The following DLK2 variants were observed in gnomAD, a reference collection of about 807,000 sequenced individuals.
The protein encoded by DLK2 is protein delta homolog 2.
In DLK2, 9 loss-of-function variants were observed where a neutral mutation model predicts 31.3. The observed-to-expected ratio is 0.29, with a 90% CI of 0.17 to 0.50. The LOEUF is 0.50. DLK2 is among the 20% of genes least tolerant of loss of function. The pLI, the probability that DLK2 is intolerant of heterozygous loss-of-function variation, is 0.98. For missense variants in DLK2, 387 were observed against 526.1 expected (o/e 0.74, Z 2.59); for synonymous variants, 169 against 201.2 (o/e 0.84, Z 1.35).
Position 43,451,930 on chromosome 6 carries a change from C to T in DLK2, c.416+10G>A, listed in dbSNP as rs1783773478. 5.0e-6 allele frequency: 8 copies of T among 1,613,768 alleles called. No homozygotes were observed. Among genetic ancestry groups the T allele is most frequent in the Non-Finnish European group, 6.8e-6 (8 of 1,179,876 alleles). ...TAACCTTCCACTCACCCTGAGGGCC[C>T]AGCACTCACCCTGCCTGTTCACAGG... On this transcript the variant is annotated intron_variant, in intron 5 of 5. Coordinates refer to ENST00000372488, the MANE Select transcript of DLK2 (RefSeq NM_023932.4). The surrounding 1 kb of genome is among the most constrained non-coding windows in gnomAD (Gnocchi z 4.4).
chr6:43,455,175 G>T (rs985495200), intron 1 of DLK2: 3 of 827,170 alleles, frequency 3.6e-6, no homozygotes, highest in Non-Finnish European at 4.4e-6. Flanking sequence ...TCCGCGGGAT[G>T]GGGACAGCGC....
At position 43,451,240 on chromosome 6, in the gene DLK2, C is replaced by T. The variant is rs142658388; in HGVS notation, c.451G>A (p.Asp151Asn). The change falls in exon 6 of 6, where the codon GAC (aspartate) becomes AAC (asparagine). Residue 151 changes from aspartate to asparagine, a missense_variant. Physicochemically the swap from Asp to Asn is conservative, Grantham distance 23. Transcript: ENST00000372488. The surrounding 1 kb of genome is among the most constrained non-coding windows in gnomAD (Gnocchi z 4.4). Reference protein sequence around the residue: ...PCRNGGQCQDDQGFALNFTCR... With the variant: ...PCRNGGQCQDNQGFALNFTCR... ...GTGAAGTTGAGAGCAAAGCCCTGGTCGTCCTGGCACTGCCCGCCATTGCGG... is the reference window on the plus strand; with the variant it reads ...GTGAAGTTGAGAGCAAAGCCCTGGTTGTCCTGGCACTGCCCGCCATTGCGG... 15 of 1,613,886 alleles carry T rather than the reference C, an allele frequency of 9.3e-6. No homozygotes were observed. The highest frequency in any genetic ancestry group is 5.3e-5 in the African/African-American group (4 of 74,922).
intron 1 of DLK2, 137 bp from the exon 2 acceptor site, chr6:43,455,017 C>A: frequency 7.0e-7 from 1 of 1,429,848 alleles, no homozygotes; most frequent in Non-Finnish European, 9.1e-7. Flanking sequence ...AGGATGGGGG[C>A]AGGGAAGGGT....
At chr6:43,452,162 G>A in intron 4 of DLK2, 78 bp from the exon 5 acceptor site, 3 of 1,585,286 alleles carry the variant, frequency 1.9e-6, no homozygotes, top group Non-Finnish European at 2.6e-6. Flanking sequence ...CGCCTTCCAG[G>A]CCCCAGGTTC....
intron 4 of DLK2, 91 bp downstream of exon 4, chr6:43,452,914 C>A: frequency 1.3e-6 from 2 of 1,546,088 alleles, no homozygotes; most frequent in East Asian, 2.3e-5. Context: ...GAGGGTTTGA[C>A]AAGGACAAAA....
chr6:43,455,315 C>T (rs1249799314), intron 1 of DLK2, 80 bp downstream of exon 1: 1 of 153,402 alleles, frequency 6.5e-6, no homozygotes, highest in African/African-American at 2.5e-5. Flanking sequence ...CCCACGTCCC[C>T]TTTCTATCTC....
Position 43,450,352 on chromosome 6 carries a change from T to C in DLK2, c.*187A>G, listed in dbSNP as rs577901743. ...GGGTTTTTCTGGCATAGGAGCCCAC[T>C]TGCATTTTCATAGTTTTATTTGATA... On this transcript the variant is annotated 3_prime_UTR_variant, in exon 6 of 6. Coordinates refer to ENST00000372488, the MANE Select transcript of DLK2 (RefSeq NM_023932.4). This position sits in a 1 kb window ranked among gnomAD's most constrained non-coding sequence, Gnocchi z 4.5. 4.0e-4 allele frequency: 379 copies of C among 949,328 alleles called. No individual in the cohort carries two copies. Among genetic ancestry groups the C allele is most frequent in the Non-Finnish European group, 5.4e-4 (365 of 670,674 alleles). 58.8% of individuals were successfully genotyped at this position (949,328 alleles called of 1,614,324 possible). A position where few individuals can be genotyped will look rare whatever the true frequency, so the allele number is the denominator to read the frequency against.
At position 43,450,928 on chromosome 6, in the gene DLK2, C is replaced by G; in HGVS notation, c.763G>C (p.Asp255His). 1 of 1,614,154 alleles carries G rather than the reference C, an allele frequency of 6.2e-7. No homozygotes were observed. Among genetic ancestry groups the G allele is most frequent in the South Asian group, 1.1e-5 (1 of 91,088 alleles). ...GGGGTGTCCACTGTGGTTGGGGGGTCTGGGACAGGTAAGACAAGCTCACAG... is the reference window on the plus strand; with the variant it reads ...GGGGTGTCCACTGTGGTTGGGGGGTGTGGGACAGGTAAGACAAGCTCACAG... Reference protein sequence around the residue: ...KTCELVLPVPDPPTTVDTPLG... With the variant: ...KTCELVLPVPHPPTTVDTPLG... The change falls in exon 6 of 6, where the codon GAC becomes CAC. Residue 255 changes from aspartate (D) to histidine (H), a missense_variant. By Grantham distance (81) the Asp-to-His change is moderately conservative. Transcript: ENST00000372488. The surrounding 1 kb of genome is among the most constrained non-coding windows in gnomAD (Gnocchi z 4.5).
At chr6:43,452,117 C>T in intron 4 of DLK2, 33 bp from the exon 5 acceptor site, 1 of 1,612,842 alleles carries the variant, frequency 6.2e-7, no homozygotes, top group Non-Finnish European at 8.5e-7. Context: ...TCTGGGATAA[C>T]CCCTCCCATC....
In DLK2 at chr6:43,453,312, C is replaced by T. The variant is rs1236904104; in HGVS notation, c.141-177G>A. ...CATAGGACACATATACGGAATCAGA[C>T]CATCAGACACCAGCACTCAAACCCT... On this transcript the variant is annotated intron_variant, in intron 3 of 5. Transcript: ENST00000372488. The surrounding 1 kb of genome is among the most constrained non-coding windows in gnomAD (Gnocchi z 4.1). Among the ~76,000 whole-genome samples the T allele has an allele frequency of 6.6e-6, 1 of 152,218 alleles. No homozygotes were observed. The highest frequency in any genetic ancestry group is 1.5e-5 in the Non-Finnish European group (1 of 68,048).
In DLK2 at chr6:43,450,797, T is replaced by C; in HGVS notation, c.894A>G (p.Gln298=). 6.2e-7 allele frequency: 1 copy of C among 1,614,170 alleles called. No individual in the cohort carries two copies. The highest frequency in any genetic ancestry group is 8.5e-7 in the Non-Finnish European group (1 of 1,180,028). Residue 298 remains glutamine (Q), a synonymous_variant, in exon 6 of 6, where the codon CAA becomes CAG. Coordinates refer to ENST00000372488, the MANE Select transcript of DLK2 (RefSeq NM_023932.4). This position sits in a 1 kb window ranked among gnomAD's most constrained non-coding sequence, Gnocchi z 4.5. ...AGCTAGGCTCACCTAGCCCAGCCTC[T>C]TGCCTCCGCACCACCTCCTTCACTG... ...RISVKEVVRR[Q]EAGLGEPSLV... is the part of the protein sequence containing the mutation.
Position 43,451,469 on chromosome 6 carries a change from GT to G in DLK2, c.417-196del, listed in dbSNP as rs1783730162. Among the ~76,000 whole-genome samples, 1 of 152,232 alleles carries G rather than the reference GT, an allele frequency of 6.6e-6. No homozygotes were observed. Among genetic ancestry groups the G allele is most frequent in the Non-Finnish European group, 1.5e-5 (1 of 68,040 alleles). On this transcript the variant is annotated intron_variant, in intron 5 of 5. Transcript: ENST00000372488. The surrounding 1 kb of genome is among the most constrained non-coding windows in gnomAD (Gnocchi z 4.4). ...GTGAGGGTTGAGTGAAATAATCAAT[GT>G]CAAGCCATTAGCACAGGGCCCAGCC...
In DLK2 at chr6:43,451,209, C is replaced by T. The variant is rs764246719; in HGVS notation, c.482G>A (p.Arg161His). 11 of 1,614,048 alleles carry T rather than the reference C, an allele frequency of 6.8e-6. No individual in the cohort carries two copies. The highest frequency in any genetic ancestry group is 2.2e-5 in the East Asian group (1 of 44,884). Residue 161 changes from arginine (R) to histidine (H), a missense_variant, in exon 6 of 6, where the codon CGC becomes CAC. Coordinates refer to ENST00000372488, the MANE Select transcript of DLK2 (RefSeq NM_023932.4). This position sits in a 1 kb window ranked among gnomAD's most constrained non-coding sequence, Gnocchi z 4.4. Reference protein sequence around the residue: ...DQGFALNFTCRCLVGFVGARC... With the variant: ...DQGFALNFTCHCLVGFVGARC... The stretch of plus-strand genomic sequence containing the variant: ...GGCACCCACAAAGCCCACCAAGCAG[C>T]GGCACGTGAAGTTGAGAGCAAAGCC...
In DLK2 at chr6:43,451,253, C is replaced by T; in HGVS notation, c.438G>A (p.Gly146=). Residue 146 remains glycine (G), a synonymous_variant, in exon 6 of 6, where the codon GGG becomes GGA. Coordinates refer to ENST00000372488, the MANE Select transcript of DLK2 (RefSeq NM_023932.4). This position sits in a 1 kb window ranked among gnomAD's most constrained non-coding sequence, Gnocchi z 4.4. The stretch of plus-strand genomic sequence containing the variant: ...CAAAGCCCTGGTCGTCCTGGCACTG[C>T]CCGCCATTGCGGCATGGGGAGCTGT... ...EQAGSPCRNG[G]QCQDDQGFAL... 5 of 1,613,944 alleles carry T rather than the reference C, an allele frequency of 3.1e-6. No individual in the cohort carries two copies. Among genetic ancestry groups the T allele is most frequent in the Non-Finnish European group, 4.2e-6 (5 of 1,179,934 alleles).
intron 2 of DLK2, 131 bp downstream of exon 2, chr6:43,454,619 A>C (rs1449679698): frequency 7.2e-7 from 1 of 1,379,908 alleles, no homozygotes; most frequent in East Asian, 2.5e-5. Flanking sequence ...TCCCATTCCA[A>C]AAAGGCAACC....
intron 1 of DLK2, 70 bp from the exon 2 acceptor site, chr6:43,454,950 C>T (rs1464834578): frequency 6.8e-7 from 1 of 1,480,258 alleles, no homozygotes; most frequent in Non-Finnish European, 8.9e-7. Flanking sequence ...TTCCAAGTGA[C>T]AGGAGCCGAC....
At position 43,451,287 on chromosome 6, in the gene DLK2, T is replaced by A; in HGVS notation, c.417-13A>T. 2 of 1,610,820 alleles carry A rather than the reference T, an allele frequency of 1.2e-6. No homozygotes were observed. Among genetic ancestry groups the A allele is most frequent in the Non-Finnish European group, 1.7e-6 (2 of 1,178,238 alleles). Reference sequence around the variant, plus strand: ...GCGGCATGGGGAGCTGTGGTAGGGGTGAGAGAGGACATGATAACCAACTTA... The same window carrying A: ...GCGGCATGGGGAGCTGTGGTAGGGGAGAGAGAGGACATGATAACCAACTTA... On this transcript the variant is annotated splice_polypyrimidine_tract_variant and intron_variant, in intron 5 of 5. Transcript: ENST00000372488. The surrounding 1 kb of genome is among the most constrained non-coding windows in gnomAD (Gnocchi z 4.4).
In DLK2 at chr6:43,454,436, A is replaced by C. The variant is rs1356000655; in HGVS notation, c.115T>G (p.Cys39Gly). 6.2e-7 allele frequency: 1 copy of C among 1,603,386 alleles called. No homozygotes were observed. The highest frequency in any genetic ancestry group is 1.7e-5 in the Admixed American group (1 of 57,684). The part of the protein sequence containing the change: ...CSSHCDLAHG[C>G]CAPDGSCRCD... ...CTGCAGGAGCCGTCAGGTGCACAGC[A>C]GCCGTGGGCCAGGTCACAGTGGGAG... The change falls in exon 3 of 6, where the codon TGC becomes GGC. Residue 39 changes from cysteine to glycine, a missense_variant. Cys to Gly is a radical substitution (Grantham distance 159). Transcript: ENST00000372488.
At position 43,452,118 on chromosome 6, in the gene DLK2, C is replaced by A. The variant is rs754315604; in HGVS notation, c.272-34G>T. ...GGGACAGGAAAGGCTCTGGGATAAC[C>A]CCTCCCATCTGGTCCCCAGACCAGA... On this transcript the variant is annotated intron_variant, in intron 4 of 5. Coordinates refer to ENST00000372488, the MANE Select transcript of DLK2 (RefSeq NM_023932.4). 1.7e-5 allele frequency: 28 copies of A among 1,612,840 alleles called. No individual in the cohort carries two copies. The Admixed American group carries it at 2.3e-4, about 13-fold the overall frequency.
Sources: allele counts gnomAD v4.1 joint callset (sites outside exome capture counted in the v4.1 genomes callset), GRCh38; gene constraint gnomAD v4.1.1; non-coding constraint Gnocchi (gnomAD v3.1); transcripts MANE v1.5; gene names NCBI Gene and HGNC (gene_info 2026-07-23, HGNC 2026-07-21).